The following DNAH11 variants were observed in gnomAD, a reference collection of about 807,000 sequenced individuals.
The protein encoded by DNAH11 is axonemal beta dynein heavy chain 11.
A neutral mutation model predicts 526.0 loss-of-function variants in DNAH11; 442 were observed. The observed-to-expected ratio is 0.84, with a 90% CI of 0.78 to 0.91. The LOEUF (loss-of-function observed/expected upper bound fraction) is 0.91. Among genes scored for constraint, DNAH11 ranks in the 40% least tolerant of loss-of-function variants. DNAH11 has a pLI of 0.00. For missense variants in DNAH11, 6,989 were observed against 5,448.7 expected, an observed-to-expected ratio of 1.28 and a Z score of -8.90; for synonymous variants, 2,461 against 1,935.9, an observed-to-expected ratio of 1.27 and a Z score of -7.12.
chr7:21,755,378 C>T (rs992491378), intron 54 of DNAH11, among the ~76,000 whole-genome samples: 1 of 152,130 alleles, frequency 6.6e-6, no homozygotes, highest in Non-Finnish European at 1.5e-5. Context: ...CCTTAGTTCA[C>T]CCAATAATTT....
rs910771323 is a variant in DNAH11, at chr7:21,564,377, T to G, written c.1174T>G (p.Cys392Gly). 1 of 1,612,598 alleles carries G rather than the reference T, an allele frequency of 6.2e-7. No homozygotes were observed. Among genetic ancestry groups the G allele is most frequent in the Admixed American group, 1.7e-5 (1 of 59,898 alleles). The part of the protein sequence containing the change: ...ARVIVLLQEF[C>G]NLFINQATAY... Reference sequence around the variant, plus strand: ...GGTTATAGTTTTATTGCAAGAGTTTTGTAATCTCTTCATTAACCAGGTATG... The same window carrying G: ...GGTTATAGTTTTATTGCAAGAGTTTGGTAATCTCTTCATTAACCAGGTATG... The change falls in exon 6 of 82, where the codon TGT becomes GGT. Residue 392 changes from cysteine to glycine, a missense_variant. Transcript: ENST00000409508.
chr7:21,609,080 A>G (rs1785414588), intron 20 of DNAH11, among the ~76,000 whole-genome samples: 1 of 152,202 alleles, frequency 6.6e-6, no homozygotes, highest in Non-Finnish European at 1.5e-5. Flanking sequence ...AGTACAGTGA[A>G]TCCCTCCCTT....
At chr7:21,590,663 C>G (rs1784638819) in intron 12 of DNAH11, among the ~76,000 whole-genome samples, 1 of 152,186 alleles carries the variant, frequency 6.6e-6, no homozygotes, top group Admixed American at 6.5e-5. Context: ...AGGATTCGTT[C>G]TACTTTCTGA....
chr7:21,562,418 T>A (rs1478896169), intron 5 of DNAH11, among the ~76,000 whole-genome samples: 1 of 152,148 alleles, frequency 6.6e-6, no homozygotes, highest in African/African-American at 2.4e-5. Flanking sequence ...AGACATGTAG[T>A]AAGTATGCTT....
At chr7:21,546,563 T>A (rs918298077) in intron 2 of DNAH11, among the ~76,000 whole-genome samples, 1 of 152,174 alleles carries the variant, frequency 6.6e-6, no homozygotes, top group South Asian at 2.1e-4. Context: ...CTCTACTCTT[T>A]CTCTCAGTAC....
chr7:21,619,993 A>G lies in DNAH11; in HGVS notation c.4415A>G (p.Lys1472Arg), dbSNP rs773868536. ...ATCAGTCAGACCTGGGCAACCATGA[A>G]GTTTTCTTACGAAGTTCACTATCGA... Reference protein sequence around the residue: ...TEISQTWATMKFSYEVHYRTG... With the variant: ...TEISQTWATMRFSYEVHYRTG... The change falls in exon 25 of 82, where the codon AAG (lysine) becomes AGG (arginine). Residue 1472 changes from lysine to arginine, a missense_variant. By Grantham distance (26) the Lys-to-Arg change is conservative (BLOSUM62 2). Transcript: ENST00000409508. 11 of 1,606,768 alleles carry G rather than the reference A, an allele frequency of 6.8e-6. No homozygotes were observed. Among genetic ancestry groups the G allele is most frequent in the Non-Finnish European group, 9.3e-6 (11 of 1,177,736 alleles).
intron 2 of DNAH11, among the ~76,000 whole-genome samples, chr7:21,558,515 G>C (rs576851469): frequency 6.6e-6 from 1 of 152,322 alleles, no homozygotes; most frequent in East Asian, 1.9e-4. Context: ...TTACCTACTT[G>C]ACATAGCTGC....
intron 64 of DNAH11, 26 bp from the exon 65 acceptor site, chr7:21,818,191 T>G (rs558687196): frequency 6.3e-7 from 1 of 1,593,964 alleles, no homozygotes. Flanking sequence ...TACATTTTAT[T>G]ATCTCAAATC....
At chr7:21,878,335 G>A (rs995161981) in intron 74 of DNAH11, among the ~76,000 whole-genome samples, 2 of 152,148 alleles carry the variant, frequency 1.3e-5, no homozygotes, top group African/African-American at 4.8e-5. Context: ...TTGAAGTAAT[G>A]TACTTAGTTA....
At chr7:21,712,696 T>C (rs1164068886) in intron 42 of DNAH11, among the ~76,000 whole-genome samples, 2 of 152,254 alleles carry the variant, frequency 1.3e-5, no homozygotes, top group Non-Finnish European at 2.9e-5. Context: ...GTAAGTTCTT[T>C]AAGTTCTTTG....
At chr7:21,885,211 G>T (rs1784086276) in intron 76 of DNAH11, among the ~76,000 whole-genome samples, 1 of 131,710 alleles carries the variant, frequency 7.6e-6, no homozygotes, top group East Asian at 2.2e-4. Flanking sequence ...TGACACAATG[G>T]GAAATTAACA....
chr7:21,742,121 A>G lies in DNAH11; in HGVS notation c.8109A>G (p.Lys2703=). The change falls in exon 49 of 82, where the codon AAA becomes AAG. Residue 2703 remains lysine (K), a synonymous_variant. Coordinates refer to ENST00000409508, the MANE Select transcript of DNAH11 (RefSeq NM_001277115.2). ...GTAACTTTTTACCCACGGCTATTAA[A>G]TTCCACTACATCTTTAATCTGAGAG... ...MMCNFLPTAI[K]FHYIFNLRDL... is the part of the protein sequence containing the mutation. The G allele has an allele frequency of 1.9e-6, 3 of 1,613,910 alleles. No individual in the cohort carries two copies. Among genetic ancestry groups the G allele is most frequent in the Non-Finnish European group, 2.5e-6 (3 of 1,179,852 alleles).
In DNAH11 at chr7:21,892,513, T is replaced by C; in HGVS notation, c.12596T>C (p.Leu4199Pro). The change falls in exon 77 of 82, where the codon CTT becomes CCT. Residue 4199 changes from leucine (L) to proline (P), a missense_variant. Coordinates refer to ENST00000409508, the MANE Select transcript of DNAH11 (RefSeq NM_001277115.2). ...TACCACCAGTACATAGAGGAGATGC[T>C]TCCTCCAGAAAGCCCGGCACTGTAT... ...AGYHQYIEEM[L>P]PPESPALYGL... The C allele has an allele frequency of 6.2e-7, 1 of 1,613,976 alleles. No homozygotes were observed. The highest frequency in any genetic ancestry group is 8.5e-7 in the Non-Finnish European group (1 of 1,179,878).
At chr7:21,897,106 T>C (rs1411243823) in intron 79 of DNAH11, among the ~76,000 whole-genome samples, 1 of 152,142 alleles carries the variant, frequency 6.6e-6, no homozygotes, top group Non-Finnish European at 1.5e-5. Flanking sequence ...CGTCCATAAT[T>C]ATCAGTTCCA....
intron 66 of DNAH11, among the ~76,000 whole-genome samples, chr7:21,850,465 AT>A (rs1466170635): frequency 6.6e-6 from 1 of 151,750 alleles, no homozygotes; most frequent in African/African-American, 2.4e-5. Context: ...CTCTACTTAC[AT>A]TGCCCATGTG....
intron 54 of DNAH11, among the ~76,000 whole-genome samples, chr7:21,762,767 A>G (rs1786977845): frequency 6.6e-6 from 1 of 152,212 alleles, no homozygotes; most frequent in Admixed American, 6.5e-5. Context: ...GAAATAAATT[A>G]AAGACTTAAA....
At chr7:21,669,401 C>G (rs1366083786) in intron 30 of DNAH11, among the ~76,000 whole-genome samples, 1 of 152,118 alleles carries the variant, frequency 6.6e-6, no homozygotes, top group African/African-American at 2.4e-5. Flanking sequence ...GAGCTCCTGA[C>G]CTCAAATGAT....
In DNAH11 at chr7:21,601,164, G is replaced by T. The variant is rs72657305; in HGVS notation, c.3410G>T (p.Arg1137Ile). The T allele has an allele frequency of 1.4e-4, 220 of 1,599,312 alleles. No individual in the cohort carries two copies. Among genetic ancestry groups the T allele is most frequent in the Non-Finnish European group, 1.8e-4 (214 of 1,176,746 alleles). Residue 1137 changes from arginine to isoleucine, a missense_variant, in exon 17 of 82, where the codon AGA becomes ATA. Coordinates refer to ENST00000409508, the MANE Select transcript of DNAH11 (RefSeq NM_001277115.2). ...TGGATGTTTCAGGAGCATCTTTTGAGATTTGTCATTGACAGGTAGCCTTTT... is the reference window on the plus strand; with the variant it reads ...TGGATGTTTCAGGAGCATCTTTTGATATTTGTCATTGACAGGTAGCCTTTT... ...WSWMFQEHLLRFVIDSLNELQ... is the reference protein window; with the variant it reads ...WSWMFQEHLLIFVIDSLNELQ...
intron 14 of DNAH11, among the ~76,000 whole-genome samples, chr7:21,591,908 CCAAA>C (rs1784701037): frequency 6.6e-6 from 1 of 152,136 alleles, no homozygotes. Flanking sequence ...CTCGTATGTG[CCAAA>C]CAAACAACTT....
Sources: gnomAD v4.1 joint callset for allele counts (sites outside exome capture counted in the v4.1 genomes callset) on GRCh38, gnomAD v4.1.1 for gene constraint, MANE v1.5 for transcripts, NCBI Gene and HGNC (gene_info 2026-07-23, HGNC 2026-07-21) for gene names.